THEMIS2: variants seen among roughly 807,000 people sequenced by gnomAD.
THEMIS2 encodes protein THEMIS2.
In THEMIS2, 29 loss-of-function variants were observed where a neutral mutation model predicts 46.8. That is an observed-to-expected ratio of 0.62 (90% CI 0.46 to 0.84). THEMIS2 has a LOEUF of 0.84. Among genes scored for constraint, THEMIS2 ranks in the 40% least tolerant of loss-of-function variants. THEMIS2 has a pLI of 0.00. For synonymous variants in THEMIS2, 335 were observed against 349.1 expected (o/e 0.96, Z 0.45); for missense variants, 698 against 834.7 (o/e 0.84, Z 2.02).
At chr1:27,884,765 GGCCCTGCTGTGGATCCCCGTGTGA>G in intron 4 of THEMIS2, 1 of 156,204 alleles carries the variant, frequency 6.4e-6, no homozygotes, top group Non-Finnish European at 1.4e-5. Context: ...TCCAAACCTT[GGCCCTGCTGTGGATCCCCGTGTGA>G]CCTTTGACAA....
intron 4 of THEMIS2, 102 bp from the exon 5 acceptor site, chr1:27,885,193 A>G (rs1475195645): frequency 3.2e-6 from 4 of 1,253,616 alleles, no homozygotes; most frequent in East Asian, 2.4e-5. Context: ...GGAAGTAGAG[A>G]GAGAAGCAGA....
At chr1:27,875,836 A>G (rs969881370) in intron 1 of THEMIS2, among the ~76,000 whole-genome samples, 17 of 151,796 alleles carry the variant, frequency 1.1e-4, no homozygotes, top group East Asian at 3.9e-4. Flanking sequence ...GAGTAGCTGG[A>G]ACTACAGGTG....
intron 3 of THEMIS2, among the ~76,000 whole-genome samples, chr1:27,880,792 T>G (rs1281925662): frequency 1.3e-5 from 2 of 152,076 alleles, no homozygotes; most frequent in Non-Finnish European, 2.9e-5. Context: ...ATCTCTCTCT[T>G]TTTTGAAGCA....
chr1:27,882,752 G>A lies in THEMIS2; in HGVS notation c.1428G>A (p.Arg476=), dbSNP rs2089706004. The A allele has an allele frequency of 6.2e-6, 10 of 1,613,814 alleles. No homozygotes were observed. The highest frequency in any genetic ancestry group is 1.7e-5 in the Admixed American group (1 of 59,970). The change falls in exon 4 of 6, where the codon CGG becomes CGA. Residue 476 remains arginine (R), a synonymous_variant. Coordinates refer to ENST00000373921, the MANE Select transcript of THEMIS2 (RefSeq NM_001105556.3). The surrounding 1 kb of genome is among the most constrained non-coding windows in gnomAD (Gnocchi z 7.6). The part of the protein sequence containing the change: ...TDPLTSFLGL[R]LEEKITEPFL... ...CTCTGACCTCCTTCCTGGGCCTGCGGCTGGAGGAGAAGATCACAGAGCCAT... is the reference window on the plus strand; with the variant it reads ...CTCTGACCTCCTTCCTGGGCCTGCGACTGGAGGAGAAGATCACAGAGCCAT...
rs372061903 is a variant in THEMIS2 at position 27,882,702 on chromosome 1, A to G, written c.1378A>G (p.Lys460Glu). ...SLPCEVKVVA[K>E]DTSHPTDPLT... ...GCCTTGTGAGGTCAAGGTGGTGGCC[A>G]AGGACACCAGCCACCCCACTGACCC... The change falls in exon 4 of 6, where the codon AAG becomes GAG. Residue 460 changes from lysine (K) to glutamate (E), a missense_variant. Coordinates refer to ENST00000373921, the MANE Select transcript of THEMIS2 (RefSeq NM_001105556.3). This position sits in a 1 kb window ranked among gnomAD's most constrained non-coding sequence, Gnocchi z 7.6. 1.9e-6 allele frequency: 3 copies of G among 1,613,814 alleles called. No homozygotes were observed. In the South Asian group the frequency reaches 3.3e-5, roughly 18 times the overall value.
chr1:27,885,300 T>C lies in THEMIS2; in HGVS notation c.1725T>C (p.Ser575=), dbSNP rs1311343151. Residue 575 remains serine (S), a synonymous_variant, in exon 5 of 6, where the codon TCT becomes TCC. Coordinates refer to ENST00000373921, the MANE Select transcript of THEMIS2 (RefSeq NM_001105556.3). ...RHSSEGGVKS[S]QVLGLQQHAR... is the part of the protein sequence containing the mutation. ...TTCTGCTTTTTCTCCCAAAGTCTTC[T>C]CAAGTCTTAGGATTGCAGCAACACG... The C allele has an allele frequency of 6.2e-7, 1 of 1,613,676 alleles. No individual in the cohort carries two copies. The highest frequency in any genetic ancestry group is 1.7e-5 in the Admixed American group (1 of 59,840).
At chr1:27,881,549 C>T (rs947267536) in intron 3 of THEMIS2, among the ~76,000 whole-genome samples, 2 of 151,840 alleles carry the variant, frequency 1.3e-5, no homozygotes, top group African/African-American at 4.8e-5. Flanking sequence ...CAGCGGGGGC[C>T]GGGCGTGGTG....
chr1:27,874,310 C>G (rs955773659), intron 1 of THEMIS2, among the ~76,000 whole-genome samples: 1 of 151,430 alleles, frequency 6.6e-6, no homozygotes, highest in Admixed American at 6.6e-5. Flanking sequence ...GTTAGGATTA[C>G]AGGCATGAGC....
chr1:27,883,635 CCCGCAGCTCCCTCATGGCGCCGGGACT>C (rs1252069860), intron 4 of THEMIS2: 1 of 152,418 alleles, frequency 6.6e-6, no homozygotes, highest in East Asian at 1.9e-4. Context: ...GAGAGAAATG[CCCGCAGCTCCCTCATGGCGCCGGGACT>C]CCTGCTCCAG....
At chr1:27,879,617 C>G (rs372068799) in intron 2 of THEMIS2, 27 bp from the exon 3 acceptor site, 27 of 1,551,558 alleles carry the variant, frequency 1.7e-5, no homozygotes, top group Non-Finnish European at 2.3e-5. Flanking sequence ...CCACAGTGAC[C>G]TGCCTGCTCT....
intron 5 of THEMIS2, 124 bp downstream of exon 5, chr1:27,885,575 G>A: frequency 8.0e-7 from 1 of 1,251,056 alleles, no homozygotes; most frequent in Non-Finnish European, 1.1e-6. Flanking sequence ...TTGATGGACA[G>A]GCCTCTATGG....
At chr1:27,879,308 G>C (rs1048376939) in intron 2 of THEMIS2, among the ~76,000 whole-genome samples, 1 of 152,148 alleles carries the variant, frequency 6.6e-6, no homozygotes, top group Non-Finnish European at 1.5e-5. Flanking sequence ...TAAGATGGCA[G>C]TTAGAGGCAG....
At chr1:27,874,624 A>G (rs920207638) in intron 1 of THEMIS2, among the ~76,000 whole-genome samples, 12 of 151,988 alleles carry the variant, frequency 7.9e-5, no homozygotes, top group African/African-American at 2.7e-4. Flanking sequence ...TCTACACAAA[A>G]TAAAAAAATT....
intron 1 of THEMIS2, among the ~76,000 whole-genome samples, chr1:27,876,098 G>C (rs184755897): frequency 6.6e-6 from 1 of 151,708 alleles, no homozygotes; most frequent in African/African-American, 2.4e-5. Flanking sequence ...GGAGGGCTGG[G>C]TACCGGCCCT....
intron 4 of THEMIS2, 76 bp from the exon 5 acceptor site, chr1:27,885,219 C>T (rs1557455610): frequency 3.3e-6 from 5 of 1,500,352 alleles, no homozygotes; most frequent in South Asian, 1.2e-5. Flanking sequence ...TGACACTTAA[C>T]GTGAATGACC....
chr1:27,881,951 T>G lies in THEMIS2; in HGVS notation c.647-20T>G, dbSNP rs1571587748. The G allele has an allele frequency of 2.2e-5, 35 of 1,577,334 alleles. No homozygotes were observed. Among genetic ancestry groups the G allele is most frequent in the Non-Finnish European group, 2.9e-5 (34 of 1,155,728 alleles). On this transcript the variant is annotated intron_variant, in intron 3 of 5. Coordinates refer to ENST00000373921, the MANE Select transcript of THEMIS2 (RefSeq NM_001105556.3). Reference sequence around the variant, plus strand: ...CTCCTGGGGTGGCATGCAGTGCCACTGAGCTGCCCCTCTCCACAGTGCGCA... The same window carrying G: ...CTCCTGGGGTGGCATGCAGTGCCACGGAGCTGCCCCTCTCCACAGTGCGCA...
At chr1:27,885,749 C>A in intron 5 of THEMIS2, 118 bp from the exon 6 acceptor site, 1 of 1,024,340 alleles carries the variant, frequency 9.8e-7, no homozygotes, top group Non-Finnish European at 1.5e-6. Context: ...TCTAGGCTAG[C>A]AAAGACCGTA....
chr1:27,872,638 C>A lies in THEMIS2; in HGVS notation c.67C>A (p.Arg23=). Residue 23 remains arginine (R), a synonymous_variant, in exon 1 of 6, where the codon CGG becomes AGG. Coordinates refer to ENST00000373921, the MANE Select transcript of THEMIS2 (RefSeq NM_001105556.3). The surrounding 1 kb of genome is among the most constrained non-coding windows in gnomAD (Gnocchi z 4.9). ...CCCCGCCTCCCTCCCGCGCGTGCTG[C>A]GGGTCTGCTCGGGGGTCTACTTCGA... ...LDPASLPRVL[R]VCSGVYFEGS... is the part of the protein sequence containing the mutation. 6.8e-7 allele frequency: 1 copy of A among 1,460,282 alleles called. No homozygotes were observed. Among genetic ancestry groups the A allele is most frequent in the South Asian group, 1.3e-5 (1 of 75,872 alleles). 90.5% of individuals were successfully genotyped at this position (1,460,282 alleles called of 1,614,324 possible).
rs1343802577 is a variant in THEMIS2 at position 27,882,642 on chromosome 1, T to C, written c.1318T>C (p.Tyr440His). The change falls in exon 4 of 6, where the codon TAC becomes CAC. Residue 440 changes from tyrosine (Y) to histidine (H), a missense_variant. Coordinates refer to ENST00000373921, the MANE Select transcript of THEMIS2 (RefSeq NM_001105556.3). This position sits in a 1 kb window ranked among gnomAD's most constrained non-coding sequence, Gnocchi z 7.6. ...GGAGGAGATGAGTGACAGCCGGCGCTACAGCCTGGCAGATCTGACTGCCCA... is the reference window on the plus strand; with the variant it reads ...GGAGGAGATGAGTGACAGCCGGCGCCACAGCCTGGCAGATCTGACTGCCCA... ...FVEEMSDSRR[Y>H]SLADLTAQFS... 6.2e-7 allele frequency: 1 copy of C among 1,614,140 alleles called. No individual in the cohort carries two copies. Among genetic ancestry groups the C allele is most frequent in the South Asian group, 1.1e-5 (1 of 91,086 alleles).
Sources: allele counts gnomAD v4.1 joint callset (sites outside exome capture counted in the v4.1 genomes callset), GRCh38; gene constraint gnomAD v4.1.1; non-coding constraint Gnocchi (gnomAD v3.1); transcripts MANE v1.5; gene names NCBI Gene and HGNC (gene_info 2026-07-23, HGNC 2026-07-21).